Variants in NELL1 observed in about 807,000 individuals in gnomAD.
NELL1 encodes neural EGFL like 1, also known as protein kinase C-binding protein NELL1.
Under a neutral mutation model 107.4 loss-of-function variants are expected in NELL1, and 76 were observed. The observed-to-expected ratio is 0.71, with a 90% confidence interval of 0.59 to 0.86. NELL1 has a LOEUF of 0.86. Ranked by LOEUF, NELL1 falls within the 40% of genes least tolerant of loss-of-function variation. The pLI, the probability that NELL1 is intolerant of heterozygous loss-of-function variation, is 0.00. For missense variants in NELL1, 1,024 were observed against 1,005.5 expected (o/e 1.02, Z -0.25); for synonymous variants, 353 against 341.2 (o/e 1.03, Z -0.38).
chr11:21,082,779 CT>C (rs1422391517), intron 12 of NELL1, among the ~76,000 whole-genome samples: 2 of 152,190 alleles, frequency 1.3e-5, no homozygotes, highest in Non-Finnish European at 2.9e-5. Context: ...GTGTCTTAGT[CT>C]TCTTTGTTCT....
At chr11:20,791,546 C>T (rs747054551) in intron 3 of NELL1, among the ~76,000 whole-genome samples, 9 of 152,088 alleles carry the variant, frequency 5.9e-5, no homozygotes, top group Non-Finnish European at 1.0e-4. Context: ...CCTGTCCTAC[C>T]TGCTGCCTGT....
intron 13 of NELL1, among the ~76,000 whole-genome samples, chr11:21,121,262 A>G (rs1381602615): frequency 6.6e-6 from 1 of 152,158 alleles, no homozygotes; most frequent in Non-Finnish European, 1.5e-5. Context: ...AAAAGATTCC[A>G]TAGAACTGGT....
intron 4 of NELL1, among the ~76,000 whole-genome samples, chr11:20,864,014 A>G (rs1255864803): frequency 5.3e-5 from 8 of 152,128 alleles, no homozygotes; most frequent in African/African-American, 1.9e-4. Flanking sequence ...AGGCTGAGGC[A>G]GGAGAATCAG....
intron 12 of NELL1, among the ~76,000 whole-genome samples, chr11:21,071,661 G>T (rs1168697645): frequency 1.3e-5 from 2 of 152,150 alleles, no homozygotes; most frequent in African/African-American, 2.4e-5. Context: ...CTGACTTCCA[G>T]TCTCCCTCTC....
chr11:20,692,001 G>A lies in NELL1; in HGVS notation c.184+13941G>A, dbSNP rs1460787726. Among the ~76,000 whole-genome samples the A allele has an allele frequency of 2.6e-5, 4 of 152,056 alleles. No individual in the cohort carries two copies. The East Asian group carries it at 7.7e-4, about 29-fold the overall frequency. ...TATTCAGAGATTCAACTTCTTCCTG[G>A]TTTAGTCTTGGGAGAGTGTATGTGT... is the stretch of plus-strand genomic sequence containing the variant. On this transcript the variant is annotated intron_variant, in intron 2 of 19. Coordinates refer to ENST00000357134, the MANE Select transcript of NELL1 (RefSeq NM_006157.5).
intron 15 of NELL1, among the ~76,000 whole-genome samples, chr11:21,511,784 A>G (rs188451846): frequency 2.1e-4 from 32 of 152,308 alleles, no homozygotes; most frequent in African/African-American, 7.5e-4. Flanking sequence ...TAATGAGCTC[A>G]GGGAAGAATG....
chr11:20,753,724 T>C (rs1394073458), intron 2 of NELL1, among the ~76,000 whole-genome samples: 1 of 152,196 alleles, frequency 6.6e-6, no homozygotes, highest in African/African-American at 2.4e-5. Flanking sequence ...GGTGCTCCAA[T>C]GATGTCATCA....
intron 3 of NELL1, among the ~76,000 whole-genome samples, chr11:20,847,351 C>T (rs942827046): frequency 8.5e-5 from 13 of 152,154 alleles, no homozygotes; most frequent in Admixed American, 2.6e-4. Flanking sequence ...CTTGTTACCT[C>T]ATGGTGGACC....
intron 13 of NELL1, among the ~76,000 whole-genome samples, chr11:21,164,659 A>T (rs1336851296): frequency 6.6e-6 from 1 of 152,170 alleles, no homozygotes; most frequent in Non-Finnish European, 1.5e-5. Flanking sequence ...TTGGCTTTTA[A>T]AAATAGAGTA....
At chr11:20,883,887 G>A (rs1212414847) in intron 4 of NELL1, among the ~76,000 whole-genome samples, 1 of 152,166 alleles carries the variant, frequency 6.6e-6, no homozygotes, top group African/African-American at 2.4e-5. Flanking sequence ...TAAAGGAAGT[G>A]TGTATCATGC....
intron 14 of NELL1, among the ~76,000 whole-genome samples, chr11:21,339,673 G>A (rs954917098): frequency 6.6e-6 from 1 of 152,128 alleles, no homozygotes; most frequent in Non-Finnish European, 1.5e-5. Context: ...CTGTTTCCTG[G>A]CTGGAACTGC....
chr11:21,308,206 C>T (rs79771541), intron 14 of NELL1, among the ~76,000 whole-genome samples: 5,139 of 151,976 alleles, frequency 0.034, 109 homozygotes, highest in Non-Finnish European at 0.051. Flanking sequence ...ATAATGTATG[C>T]GAAGGAGGCT....
At chr11:21,332,202 C>T (rs1850287007) in intron 14 of NELL1, among the ~76,000 whole-genome samples, 1 of 151,970 alleles carries the variant, frequency 6.6e-6, no homozygotes, top group Admixed American at 6.6e-5. Context: ...ACTGGCTTTT[C>T]TGTGTATTAT....
intron 12 of NELL1, among the ~76,000 whole-genome samples, chr11:21,100,346 T>G (rs988577256): frequency 6.6e-6 from 1 of 152,186 alleles, no homozygotes; most frequent in Non-Finnish European, 1.5e-5. Context: ...AGTGTACAGT[T>G]CAGTGGCATT....
chr11:20,690,469 AG>A (rs1265613115), intron 2 of NELL1, among the ~76,000 whole-genome samples: 2 of 151,796 alleles, frequency 1.3e-5, no homozygotes, highest in Admixed American at 6.6e-5. Flanking sequence ...ATAAGGTGTA[AG>A]GAAGGGATCC....
intron 16 of NELL1, among the ~76,000 whole-genome samples, chr11:21,538,644 C>T (rs1365942208): frequency 2.6e-5 from 4 of 152,082 alleles, no homozygotes. Context: ...ACAATGCACT[C>T]TGTGTTTTGA....
At chr11:20,844,362 G>A (rs1333614613) in intron 3 of NELL1, among the ~76,000 whole-genome samples, 1 of 152,172 alleles carries the variant, frequency 6.6e-6, no homozygotes, top group Non-Finnish European at 1.5e-5. Context: ...GATATTTGCA[G>A]GATGAGCAGA....
intron 12 of NELL1, among the ~76,000 whole-genome samples, chr11:21,070,104 A>G (rs537920107): frequency 2.0e-5 from 3 of 151,462 alleles, no homozygotes; most frequent in East Asian, 3.9e-4. Flanking sequence ...CGACTAACCT[A>G]CTTACTGAGT....
At chr11:20,991,991 C>CAAAAAAAAA (rs57278158) in intron 12 of NELL1, among the ~76,000 whole-genome samples, 5 of 110,054 alleles carry the variant, frequency 4.5e-5, no homozygotes, top group African/African-American at 1.0e-4. Context: ...GTGTAGCATG[C>CAAAAAAAAA]AAAAAAAAAA....
Sources: gnomAD v4.1 joint callset for allele counts (sites outside exome capture counted in the v4.1 genomes callset) on GRCh38, gnomAD v4.1.1 for gene constraint, MANE v1.5 for transcripts, NCBI Gene and HGNC (gene_info 2026-07-23, HGNC 2026-07-21) for gene names.